Variants in RAB11FIP4 observed in about 807,000 individuals in gnomAD.
RAB11FIP4 encodes rab11 family-interacting protein 4.
In RAB11FIP4, 23 loss-of-function variants were observed where a neutral mutation model predicts 74.3. The observed-to-expected ratio is 0.31, with a 90% CI of 0.22 to 0.44. RAB11FIP4 has a LOEUF of 0.44. RAB11FIP4 is among the 20% of genes least tolerant of loss of function. RAB11FIP4 has a pLI of 1.00. For synonymous variants in RAB11FIP4, 360 were observed against 359.9 expected (o/e 1.00, Z 0.00); for missense variants, 630 against 863.9 (o/e 0.73, Z 3.39).
chr17:31,395,772 G>A (rs1407356730), intron 1 of RAB11FIP4, among the ~76,000 whole-genome samples: 3 of 152,200 alleles, frequency 2.0e-5, no homozygotes, highest in Admixed American at 6.5e-5. Flanking sequence ...GAGGACATTA[G>A]GTAAAAACTA....
At position 31,523,828 on chromosome 17, in the gene RAB11FIP4, C is replaced by A. The variant is rs768710549; in HGVS notation, c.1030-65C>A. On this transcript the variant is annotated intron_variant, in intron 8 of 14. Coordinates refer to ENST00000621161, the MANE Select transcript of RAB11FIP4 (RefSeq NM_032932.6). ...GAGGTCCTGCTCATGAACCTCATGGCGTCGAGGTTCTCGGTTCTGTGGCCT... is the reference window on the plus strand; with the variant it reads ...GAGGTCCTGCTCATGAACCTCATGGAGTCGAGGTTCTCGGTTCTGTGGCCT... 4.0e-6 allele frequency: 5 copies of A among 1,255,574 alleles called. No individual in the cohort carries two copies. The South Asian group carries it at 5.0e-5, about 12-fold the overall frequency. 77.8% of individuals were successfully genotyped at this position (1,255,574 alleles called of 1,614,324 possible).
intron 1 of RAB11FIP4, among the ~76,000 whole-genome samples, chr17:31,410,064 C>T (rs377019510): frequency 1.5e-4 from 23 of 152,174 alleles, no homozygotes; most frequent in East Asian, 3.9e-4. Context: ...AATTGGGATG[C>T]GATACTGTTC....
In RAB11FIP4 at chr17:31,531,657, G is replaced by A; in HGVS notation, c.1839G>A (p.Arg613=). The A allele has an allele frequency of 6.2e-7, 1 of 1,614,082 alleles. No homozygotes were observed. The part of the protein sequence containing the change: ...ALKEQEEINF[R]LRQYMDKIIL... The stretch of plus-strand genomic sequence containing the variant: ...AGGAGCAGGAGGAGATCAACTTCCG[G>A]CTGAGGCAGTACATGGACAAGATTA... The change falls in exon 15 of 15, where the codon CGG becomes CGA. Residue 613 remains arginine (R), a synonymous_variant. Transcript: ENST00000621161.
At chr17:31,474,852 AAAC>A (rs2142731858) in intron 3 of RAB11FIP4, among the ~76,000 whole-genome samples, 1 of 93,218 alleles carries the variant, frequency 1.1e-5, no homozygotes, top group African/African-American at 3.4e-5. Flanking sequence ...TCAAAAAACA[AAAC>A]AAAACAAAAC....
chr17:31,516,625 T>A (rs542081035), intron 3 of RAB11FIP4, among the ~76,000 whole-genome samples: 72 of 152,216 alleles, frequency 4.7e-4, no homozygotes, highest in African/African-American at 1.4e-3. Flanking sequence ...ATGCGCCACC[T>A]CGCCCAGCTA....
chr17:31,531,969 C>T lies in RAB11FIP4; in HGVS notation c.*237C>T. The stretch of plus-strand genomic sequence containing the variant: ...GTGCATGCACTTTGTGGCCCCTTTG[C>T]AAGGGGCAGAGGGTACTGGAAGTGG... On this transcript the variant is annotated 3_prime_UTR_variant, in exon 15 of 15. Transcript: ENST00000621161. The T allele has an allele frequency of 2.0e-6, 1 of 490,278 alleles. No homozygotes were observed. The highest frequency in any genetic ancestry group is 3.6e-5 in the Admixed American group (1 of 27,530). The allele number at this position is 490,278 out of a possible 1,614,324, so 30.4% of individuals were successfully genotyped here.
rs2072583873 is a variant in RAB11FIP4, at chr17:31,517,694, T to A, written c.380T>A (p.Ile127Asn). 1 of 1,607,888 alleles carries A rather than the reference T, an allele frequency of 6.2e-7. No homozygotes were observed. Among genetic ancestry groups the A allele is most frequent in the Non-Finnish European group, 8.5e-7 (1 of 1,177,852 alleles). ...CCCACCTTTGCTGATGGCGAGCTCATCCCCAGGGAACCCGGCTTTTTTCCC... is the reference window on the plus strand; with the variant it reads ...CCCACCTTTGCTGATGGCGAGCTCAACCCCAGGGAACCCGGCTTTTTTCCC... ...TGPTFADGEL[I>N]PREPGFFPED... The change falls in exon 4 of 15, where the codon ATC (isoleucine) becomes AAC (asparagine). Residue 127 changes from isoleucine to asparagine, a missense_variant. Ile to Asn is a moderately radical substitution (Grantham distance 149, BLOSUM62 -3). Transcript: ENST00000621161.
intron 1 of RAB11FIP4, among the ~76,000 whole-genome samples, chr17:31,399,957 C>T (rs948610451): frequency 6.1e-5 from 9 of 148,426 alleles, no homozygotes; most frequent in African/African-American, 2.2e-4. Flanking sequence ...GCAGGAGAAT[C>T]GCTTAAACCC....
rs181586090 is a variant in RAB11FIP4 at position 31,520,576 on chromosome 17, C to T, written c.564-590C>T. Among the ~76,000 whole-genome samples, 17 of 152,186 alleles carry T rather than the reference C, an allele frequency of 1.1e-4. No individual in the cohort carries two copies. The East Asian group carries it at 1.2e-3, about 10-fold the overall frequency. ...AGGCTGGAGTGCAGTGGCACAATCT[C>T]GGCTCACTGCAAGCTCCACCTCCCG... On this transcript the variant is annotated intron_variant, in intron 4 of 14. Transcript: ENST00000621161.
intron 3 of RAB11FIP4, among the ~76,000 whole-genome samples, chr17:31,494,806 G>T (rs754082500): frequency 3.1e-4 from 47 of 152,078 alleles, no homozygotes; most frequent in Non-Finnish European, 1.0e-4. Context: ...AACCTTGCTC[G>T]GGCTCTGCAG....
intron 3 of RAB11FIP4, among the ~76,000 whole-genome samples, chr17:31,490,052 T>C (rs998140275): frequency 6.6e-6 from 1 of 151,874 alleles, no homozygotes; most frequent in African/African-American, 2.4e-5. Flanking sequence ...CAGAAGAAAT[T>C]AGAGGGCCCA....
chr17:31,411,237 G>A (rs111495278), intron 1 of RAB11FIP4, among the ~76,000 whole-genome samples: 3,303 of 152,216 alleles, frequency 0.022, 121 homozygotes, highest in African/African-American at 0.075. Context: ...GATGGCGGGC[G>A]CCTGTAGTCC....
chr17:31,426,875 C>T (rs780620435), intron 1 of RAB11FIP4, among the ~76,000 whole-genome samples: 17 of 151,760 alleles, frequency 1.1e-4, no homozygotes, highest in Admixed American at 2.0e-4. Flanking sequence ...GCTGGGATTA[C>T]GGGCGCCAGG....
chr17:31,445,562 ATATATATATATATATATTTTT>A lies in RAB11FIP4; in HGVS notation c.336+11442_336+11462del, dbSNP rs1225385686. The stretch of plus-strand genomic sequence containing the variant: ...TATATATATATATATATATATATAT[ATATATATATATATATATTTTT>A]TTTTTTTTTTTTTTTTTTTTGACAC... On this transcript the variant is annotated intron_variant, in intron 3 of 14. Coordinates refer to ENST00000621161, the MANE Select transcript of RAB11FIP4 (RefSeq NM_032932.6). Among the ~76,000 whole-genome samples the A allele has an allele frequency of 6.1e-3, 107 of 17,416 alleles. 9 individuals carry two copies. The highest frequency in any genetic ancestry group is 0.028 in the East Asian group (28 of 992). The allele number at this position is 17,416 out of a possible 152,430, so 11.4% of individuals were successfully genotyped here.
chr17:31,468,799 C>T (rs1394576592), intron 3 of RAB11FIP4, among the ~76,000 whole-genome samples: 1 of 151,014 alleles, frequency 6.6e-6, no homozygotes, highest in Non-Finnish European at 1.5e-5. Flanking sequence ...CACTGCACTC[C>T]AGCCTCGTGA....
At chr17:31,521,007 C>A in intron 4 of RAB11FIP4, 159 bp from the exon 5 acceptor site, 1 of 514,632 alleles carries the variant, frequency 1.9e-6, no homozygotes, top group Non-Finnish European at 3.4e-6. Flanking sequence ...TGAGATGTTT[C>A]CCTTTAGATA....
At chr17:31,488,025 T>G in intron 3 of RAB11FIP4, 2 of 1,003,472 alleles carry the variant, frequency 2.0e-6, no homozygotes, top group Admixed American at 6.0e-5. Context: ...AGGCGCCTCG[T>G]GATGTCACCG....
chr17:31,479,260 T>C (rs1016450422), intron 3 of RAB11FIP4, among the ~76,000 whole-genome samples: 3 of 152,210 alleles, frequency 2.0e-5, no homozygotes, highest in African/African-American at 7.2e-5. Flanking sequence ...GGTAGAGGAA[T>C]TGTTTCTTCA....
chr17:31,517,956 T>G (rs1191507265), intron 4 of RAB11FIP4, 79 bp downstream of exon 4: 2 of 1,179,680 alleles, frequency 1.7e-6, no homozygotes, highest in South Asian at 2.8e-5. Flanking sequence ...CTCCAGGAAG[T>G]AAATTTGAAA....
Sources: allele counts gnomAD v4.1 joint callset (sites outside exome capture counted in the v4.1 genomes callset), GRCh38; gene constraint gnomAD v4.1.1; transcripts MANE v1.5; gene names NCBI Gene and HGNC (gene_info 2026-07-23, HGNC 2026-07-21).